DMD: variants seen among roughly 807,000 people sequenced by gnomAD.
DMD encodes dystrophin.
Under a neutral mutation model 330.1 loss-of-function variants are expected in DMD, and 63 were observed. The ratio of observed to expected loss-of-function variants is 0.19; its 90% CI spans 0.16 to 0.24. The LOEUF (loss-of-function observed/expected upper bound fraction) is 0.24, where lower values mean the gene tolerates loss of function less well. Ranked by LOEUF, DMD falls within the 10% of genes least tolerant of loss-of-function variation. The pLI is 1.00. For missense variants in DMD, 3,344 were observed against 2,684.1 expected, an observed-to-expected ratio of 1.25 and a Z score of -5.43; for synonymous variants, 1,223 against 959.8, an observed-to-expected ratio of 1.27 and a Z score of -5.07.
chrX:31,350,883 T>C (rs2058370750), intron 60 of DMD, among the ~76,000 whole-genome samples: 1 of 110,510 alleles, frequency 9.0e-6, no homozygotes, highest in African/African-American at 3.3e-5. Context: ...GCGGGCATCA[T>C]CCTGTCAGTT....
At chrX:32,894,148 GATT>G (rs2085476844) in intron 2 of DMD, among the ~76,000 whole-genome samples, 1 of 112,042 alleles carries the variant, frequency 8.9e-6, no homozygotes, top group African/African-American at 3.2e-5. Context: ...TGGAGGTAAT[GATT>G]ATTACTTGAT....
chrX:31,911,505 T>G (rs1212300404), intron 47 of DMD, among the ~76,000 whole-genome samples: 1 of 92,309 alleles, frequency 1.1e-5, no homozygotes, highest in Non-Finnish European at 1.9e-5. Context: ...TTCTCACTTT[T>G]TTTTTTTTTG....
intron 11 of DMD, among the ~76,000 whole-genome samples, chrX:32,618,384 C>T (rs147884826): frequency 0.014 from 1,565 of 111,423 alleles, 25 homozygotes; most frequent in African/African-American, 0.049. Context: ...AGCTGGAGGC[C>T]ATTATCCTTA....
At position 33,082,286 on chromosome X, in the gene DMD, A is replaced by G. The variant is rs141895290; in HGVS notation, c.32-62086T>C. Among the ~76,000 whole-genome samples, 459 of 111,990 alleles carry G rather than the reference A, an allele frequency of 4.1e-3. 1 individual carries two copies. The highest frequency in any genetic ancestry group is 0.014 in the African/African-American group (446 of 30,851). On this transcript the variant is annotated intron_variant, in intron 1 of 78. Coordinates refer to ENST00000357033, the MANE Select transcript of DMD (RefSeq NM_004006.3). ...ATTCTTTTAGATCTCTTATTACCTA[A>G]TTTTAGCCATGCCAAGTGGACAATA...
At chrX:31,414,063 G>T in intron 60 of DMD, among the ~76,000 whole-genome samples, 1 of 110,831 alleles carries the variant, frequency 9.0e-6, no homozygotes, top group Non-Finnish European at 1.9e-5. Flanking sequence ...GCCCAGGCTG[G>T]AGTGCAGTGG....
intron 1 of DMD, among the ~76,000 whole-genome samples, chrX:33,221,316 G>A (rs2052171580): frequency 9.0e-6 from 1 of 111,519 alleles, no homozygotes. Flanking sequence ...ACTTCAATAA[G>A]CTTGAAGACT....
At chrX:33,304,598 G>C (rs1379064449) in intron 1 of DMD, among the ~76,000 whole-genome samples, 20 of 109,454 alleles carry the variant, frequency 1.8e-4, no homozygotes, top group African/African-American at 6.3e-4. Flanking sequence ...CTTCTGCACA[G>C]CAAAAGAAAC....
intron 49 of DMD, among the ~76,000 whole-genome samples, chrX:31,828,034 A>G (rs1378148977): frequency 1.8e-5 from 2 of 111,913 alleles, no homozygotes; most frequent in Non-Finnish European, 3.8e-5. Context: ...ACTAAACTCA[A>G]ATCCAGCAGA....
At chrX:32,886,655 C>A (rs1402789313) in intron 2 of DMD, among the ~76,000 whole-genome samples, 1 of 110,751 alleles carries the variant, frequency 9.0e-6, no homozygotes, top group Non-Finnish European at 1.9e-5. Context: ...TGCACTCCAG[C>A]CTGGGCGACA....
In DMD at chrX:33,004,602, T is replaced by C. The variant is rs1360942174; in HGVS notation, c.93+15537A>G. Among the ~76,000 whole-genome samples the C allele has an allele frequency of 7.1e-5, 8 of 111,944 alleles. No individual in the cohort carries two copies. In the Admixed American group the frequency reaches 7.6e-4, roughly 11 times the overall value. ...CATCGATATTTATTTTTAGTGTTTTTCTGGTTATTTTTACTTGTGTATTTT... is the reference window on the plus strand; with the variant it reads ...CATCGATATTTATTTTTAGTGTTTTCCTGGTTATTTTTACTTGTGTATTTT... On this transcript the variant is annotated intron_variant, in intron 2 of 78. Coordinates refer to ENST00000357033, the MANE Select transcript of DMD (RefSeq NM_004006.3).
chrX:32,280,005 A>C (rs1327965692), intron 43 of DMD, among the ~76,000 whole-genome samples: 1 of 64,740 alleles, frequency 1.5e-5, no homozygotes, highest in African/African-American at 6.8e-5. Flanking sequence ...TATGTACCCC[A>C]CATATATATA....
At chrX:32,413,689 C>G (rs919946740) in intron 29 of DMD, among the ~76,000 whole-genome samples, 4 of 107,560 alleles carry the variant, frequency 3.7e-5, no homozygotes, top group African/African-American at 1.4e-4. Context: ...TCTTTACTGT[C>G]CTTCAAATAA....
chrX:31,582,753 C>T (rs893432656), intron 55 of DMD, among the ~76,000 whole-genome samples: 5 of 111,866 alleles, frequency 4.5e-5, no homozygotes, highest in Non-Finnish European at 9.4e-5. Context: ...AATTTGCCAA[C>T]GGTGACAAGA....
chrX:32,656,228 T>C lies in DMD; in HGVS notation c.961-11076A>G, dbSNP rs1035648836. ...GTAAATGGGCATAGATATGCTCTCT[T>C]CTTCGTCCTCCCTCCTGAAGGTCGT... On this transcript the variant is annotated intron_variant, in intron 9 of 78. Transcript: ENST00000357033. 4.5e-5 allele frequency among the ~76,000 whole-genome samples: 5 copies of C among 111,876 alleles called. No individual in the cohort carries two copies. In the Admixed American group the frequency reaches 4.8e-4, roughly 11 times the overall value.
intron 1 of DMD, among the ~76,000 whole-genome samples, chrX:33,140,643 A>T (rs2047747926): frequency 8.9e-6 from 1 of 112,047 alleles, no homozygotes. Flanking sequence ...ATTTACTTAC[A>T]CAACACTACT....
At chrX:32,652,410 G>A (rs1002769062) in intron 9 of DMD, among the ~76,000 whole-genome samples, 1 of 107,219 alleles carries the variant, frequency 9.3e-6, no homozygotes, top group African/African-American at 3.4e-5. Flanking sequence ...CCTTGCGTTA[G>A]CTTGCTGAGA....
At chrX:33,325,899 T>C (rs73623947) in intron 1 of DMD, among the ~76,000 whole-genome samples, 6,073 of 111,557 alleles carry the variant, frequency 0.054, 419 homozygotes, top group African/African-American at 0.19. Context: ...TTTTAGGTGA[T>C]GATTCCATTA....
intron 74 of DMD, among the ~76,000 whole-genome samples, chrX:31,162,984 A>G (rs757357885): frequency 1.8e-5 from 2 of 111,831 alleles, no homozygotes; most frequent in South Asian, 7.5e-4. Flanking sequence ...CCATTCTTAC[A>G]CAGCTTCTTA....
At chrX:31,222,782 C>T (rs1333132632) in intron 64 of DMD, among the ~76,000 whole-genome samples, 2 of 111,944 alleles carry the variant, frequency 1.8e-5, no homozygotes, top group African/African-American at 6.5e-5. Flanking sequence ...ATGCCGATGC[C>T]AATGCCAGTA....
Sources: gnomAD v4.1 joint callset for allele counts (sites outside exome capture counted in the v4.1 genomes callset) on GRCh38, gnomAD v4.1.1 for gene constraint, MANE v1.5 for transcripts, NCBI Gene and HGNC (gene_info 2026-07-23, HGNC 2026-07-21) for gene names.